Variants in GSE1 observed in about 807,000 individuals in gnomAD.
GSE1 encodes the protein Gse1 coiled-coil protein, also known as genetic suppressor element 1.
Under a neutral mutation model 112.6 loss-of-function variants are expected in GSE1, and 32 were observed. That is an observed-to-expected ratio of 0.28 (90% CI 0.21 to 0.38). The LOEUF (loss-of-function observed/expected upper bound fraction) is 0.38, where lower values mean the gene tolerates loss of function less well. Among genes scored for constraint, GSE1 ranks in the 10% least tolerant of loss-of-function variants. The pLI is 1.00. For synonymous variants in GSE1, 1,115 were observed against 735.6 expected, an observed-to-expected ratio of 1.52 and a Z score of -8.35; for missense variants, 2,348 against 1,699.2, an observed-to-expected ratio of 1.38 and a Z score of -6.71.
chr16:85,388,689 T>G (rs1051496336), intron 2 of GSE1, among the ~76,000 whole-genome samples: 1 of 151,530 alleles, frequency 6.6e-6, no homozygotes, highest in Non-Finnish European at 1.5e-5. Context: ...GGTAGATGGG[T>G]GAGTAGATGG....
intron 2 of GSE1, among the ~76,000 whole-genome samples, chr16:85,437,175 C>A (rs1435787516): frequency 6.6e-6 from 1 of 152,120 alleles, no homozygotes. Flanking sequence ...CCCTCTGAGG[C>A]CATCTGATCT....
chr16:85,492,746 G>C (rs8048765), intron 2 of GSE1, among the ~76,000 whole-genome samples: 26,813 of 151,934 alleles, frequency 0.18, 2,529 homozygotes, highest in African/African-American at 0.24. Flanking sequence ...AGCCGTCCCT[G>C]GGGGATTCTG....
chr16:85,385,157 G>A (rs566600198), intron 2 of GSE1, among the ~76,000 whole-genome samples: 200 of 152,394 alleles, frequency 1.3e-3, no homozygotes, highest in African/African-American at 3.8e-3. Context: ...CATGGGGCTT[G>A]GGATGGGTGC....
chr16:85,208,261 A>G (rs959361149), intron 1 of GSE1, among the ~76,000 whole-genome samples: 4 of 152,104 alleles, frequency 2.6e-5, no homozygotes, highest in African/African-American at 9.7e-5. Context: ...GAGGGACCCC[A>G]CCACATGCTG....
intron 2 of GSE1, among the ~76,000 whole-genome samples, chr16:85,408,296 C>T (rs866571435): frequency 1.8e-4 from 1 of 5,666 alleles, no homozygotes; most frequent in Non-Finnish European, 3.2e-4. Context: ...CAGGGCCCCC[C>T]GGATAATCCT....
intron 2 of GSE1, among the ~76,000 whole-genome samples, chr16:85,397,150 G>A (rs1000041815): frequency 3.3e-5 from 5 of 152,218 alleles, no homozygotes; most frequent in African/African-American, 1.2e-4. Flanking sequence ...GTCCTGGGGG[G>A]AGACTTGATT....
chr16:85,488,095 G>C (rs1294986763), intron 2 of GSE1, among the ~76,000 whole-genome samples: 1 of 152,188 alleles, frequency 6.6e-6, no homozygotes, highest in Non-Finnish European at 1.5e-5. Context: ...TGACCTTGCA[G>C]GGCCATGCTT....
intron 2 of GSE1, among the ~76,000 whole-genome samples, chr16:85,635,140 G>T (rs960448880): frequency 6.6e-6 from 1 of 152,152 alleles, no homozygotes; most frequent in Non-Finnish European, 1.5e-5. Flanking sequence ...AGGGCGGGCT[G>T]GGGGGACTTC....
intron 1 of GSE1, among the ~76,000 whole-genome samples, chr16:85,313,421 G>A (rs541489989): frequency 5.9e-5 from 9 of 152,244 alleles, no homozygotes; most frequent in East Asian, 5.8e-4. Context: ...GGCTTGTCCC[G>A]TTGGGCCAGG....
At chr16:85,439,341 C>T (rs2049322009) in intron 2 of GSE1, among the ~76,000 whole-genome samples, 1 of 152,220 alleles carries the variant, frequency 6.6e-6, no homozygotes, top group South Asian at 2.1e-4. Flanking sequence ...GCCTCGGGCG[C>T]TGGCCTCCCT....
intron 1 of GSE1, among the ~76,000 whole-genome samples, chr16:85,621,089 C>CTG (rs1178092409): frequency 6.9e-6 from 1 of 145,816 alleles, no homozygotes; most frequent in African/African-American, 2.6e-5. Context: ...GATCTCTGCA[C>CTG]TGTTGGGGAA....
intron 2 of GSE1, among the ~76,000 whole-genome samples, chr16:85,478,927 C>CCTTTCTTTCTTTCTTTCTTTCTTTCTTTT (rs2050578732): frequency 3.6e-5 from 1 of 28,046 alleles, no homozygotes; most frequent in African/African-American, 1.5e-4. Context: ...TTCTTTCTTT[C>CCTTTCTTTCTTTCTTTCTTTCTTTCTTTT]TCTTTCTTTC....
intron 1 of GSE1, among the ~76,000 whole-genome samples, chr16:85,574,852 C>T (rs1260760942): frequency 1.3e-5 from 2 of 152,222 alleles, no homozygotes; most frequent in African/African-American, 2.4e-5. Flanking sequence ...TGGGGGCTCC[C>T]TGCTGGAGCC....
chr16:85,568,630 G>A (rs1280192931), intron 1 of GSE1, among the ~76,000 whole-genome samples: 6 of 152,192 alleles, frequency 3.9e-5, no homozygotes, highest in Non-Finnish European at 7.3e-5. Flanking sequence ...AGCCAGCCTC[G>A]TGACCCAGAT....
intron 3 of GSE1, among the ~76,000 whole-genome samples, chr16:85,650,348 C>T (rs1453740529): frequency 2.6e-5 from 4 of 152,170 alleles, no homozygotes; most frequent in Non-Finnish European, 5.9e-5. Flanking sequence ...GCTCCTTGCG[C>T]CCCACTGGTG....
At chr16:85,589,867 T>G (rs2046903187) in intron 1 of GSE1, among the ~76,000 whole-genome samples, 1 of 152,040 alleles carries the variant, frequency 6.6e-6, no homozygotes, top group Admixed American at 6.5e-5. Flanking sequence ...TGTGAACATG[T>G]GACAGAGACA....
At chr16:85,459,670 A>G (rs931960577) in intron 2 of GSE1, among the ~76,000 whole-genome samples, 1 of 152,000 alleles carries the variant, frequency 6.6e-6, no homozygotes, top group Admixed American at 6.6e-5. Context: ...GAGGTAGAGG[A>G]CTCCACGGAG....
At chr16:85,181,913 C>G (rs966984339) in intron 1 of GSE1, among the ~76,000 whole-genome samples, 2 of 152,202 alleles carry the variant, frequency 1.3e-5, no homozygotes, top group East Asian at 3.9e-4. Flanking sequence ...ATCTGCAGTC[C>G]CTTTGAGCTG....
At chr16:85,651,238 C>T (rs941363187) in intron 3 of GSE1, among the ~76,000 whole-genome samples, 17 of 151,774 alleles carry the variant, frequency 1.1e-4, no homozygotes, top group African/African-American at 2.7e-4. Context: ...GGGTAGCTGC[C>T]GAGCCTGCCG....
Sources: allele counts gnomAD v4.1 joint callset (sites outside exome capture counted in the v4.1 genomes callset), GRCh38; gene constraint gnomAD v4.1.1; transcripts MANE v1.5; gene names NCBI Gene and HGNC (gene_info 2026-07-23, HGNC 2026-07-21).